Variants in RGS9 observed in about 807,000 individuals in gnomAD.
The protein encoded by RGS9 is regulator of G-protein signalling 9.
RGS9 carries 78 observed loss-of-function variants against 102.0 expected under a neutral mutation model. The ratio of observed to expected loss-of-function variants is 0.76; its 90% CI spans 0.64 to 0.92. The LOEUF (loss-of-function observed/expected upper bound fraction) is 0.92, where lower values mean the gene tolerates loss of function less well. Ranked by LOEUF, RGS9 falls within the 40% of genes least tolerant of loss-of-function variation. The probability of loss-of-function intolerance (pLI) is 0.00; values close to 1 mark genes in which losing one functional copy is unlikely to be tolerated. For missense variants in RGS9, 833 were observed against 866.1 expected (o/e 0.96, Z 0.48); for synonymous variants, 353 against 318.6 (o/e 1.11, Z -1.15).
Position 65,210,536 on chromosome 17 carries a change from T to A in RGS9, c.1338T>A (p.Pro446=). Residue 446 remains proline, a synonymous_variant, in exon 17 of 19, where the codon CCT becomes CCA. Coordinates refer to ENST00000262406, the MANE Select transcript of RGS9 (RefSeq NM_003835.4). Reference sequence around the variant, plus strand: ...GTCACCTGCGCTCCAGCCCAAGCCCTGTCATCCTGAGACAGCTGGAAGAGG... The same window carrying A: ...GTCACCTGCGCTCCAGCCCAAGCCCAGTCATCCTGAGACAGCTGGAAGAGG... ...MRRHLRSSPS[P]VILRQLEEEA... 1.2e-6 allele frequency: 2 copies of A among 1,614,034 alleles called. No homozygotes were observed.
intron 7 of RGS9, among the ~76,000 whole-genome samples, chr17:65,165,910 G>T (rs1309773121): frequency 6.6e-6 from 1 of 152,176 alleles, no homozygotes; most frequent in Admixed American, 6.5e-5. Context: ...TATGTGTCCT[G>T]ATTTCTATAG....
At chr17:65,177,684 C>A (rs760646067) in intron 8 of RGS9, 48 bp from the exon 9 acceptor site, 1 of 1,552,320 alleles carries the variant, frequency 6.4e-7, no homozygotes, top group Admixed American at 1.7e-5. Flanking sequence ...TAACCAGAAA[C>A]TGGAGACTCT....
At chr17:65,204,396 T>G in intron 15 of RGS9, 95 bp downstream of exon 15, 7 of 1,424,076 alleles carry the variant, frequency 4.9e-6, no homozygotes, top group African/African-American at 1.4e-5. Flanking sequence ...AGAGAGAGGA[T>G]ACGTGGATAG....
intron 11 of RGS9, among the ~76,000 whole-genome samples, chr17:65,190,488 T>C (rs879519965): frequency 1.3e-5 from 2 of 152,164 alleles, no homozygotes; most frequent in Non-Finnish European, 2.9e-5. Context: ...TGGAATCCAC[T>C]AATGTGTGGA....
At chr17:65,208,660 G>T (rs1055142663) in intron 16 of RGS9, among the ~76,000 whole-genome samples, 1 of 152,128 alleles carries the variant, frequency 6.6e-6, no homozygotes, top group Non-Finnish European at 1.5e-5. Flanking sequence ...AAATTGAATG[G>T]CAGCTTGAAC....
intron 15 of RGS9, among the ~76,000 whole-genome samples, 164 bp downstream of exon 15, chr17:65,204,465 CT>C: frequency 6.6e-6 from 1 of 152,278 alleles, no homozygotes; most frequent in Middle Eastern, 3.4e-3. Context: ...AATCCCAGCT[CT>C]TTGGGAAGCT....
intron 8 of RGS9, among the ~76,000 whole-genome samples, chr17:65,172,163 T>C (rs1222444450): frequency 6.6e-6 from 1 of 152,238 alleles, no homozygotes; most frequent in African/African-American, 2.4e-5. Context: ...TCAAAGGCCA[T>C]TCATTGATCT....
intron 3 of RGS9, among the ~76,000 whole-genome samples, chr17:65,160,029 G>A (rs140947476): frequency 4.9e-4 from 75 of 152,324 alleles, no homozygotes; most frequent in African/African-American, 1.7e-3. Context: ...CTGGGGATAA[G>A]ACCTGGGAGG....
At chr17:65,148,634 C>A (rs922567636) in intron 1 of RGS9, among the ~76,000 whole-genome samples, 5 of 152,180 alleles carry the variant, frequency 3.3e-5, no homozygotes, top group Non-Finnish European at 5.9e-5. Context: ...CTGGTCCTCA[C>A]CATCTAGGGA....
chr17:65,160,609 A>T, intron 5 of RGS9, 22 bp downstream of exon 5: 1 of 1,613,368 alleles, frequency 6.2e-7, no homozygotes, highest in Non-Finnish European at 8.5e-7. Flanking sequence ...AGCCCCAACT[A>T]TGCCTTTGGT....
chr17:65,138,972 A>ACCCCGGCATCCCCTCCTCCC (rs1910023695), intron 1 of RGS9, among the ~76,000 whole-genome samples: 1 of 69,608 alleles, frequency 1.4e-5, no homozygotes, highest in African/African-American at 9.3e-5. Context: ...CCCCTCCTCC[A>ACCCCGGCATCCCCTCCTCCC]CCCCAGCATC....
rs1910956818 is a variant in RGS9, at chr17:65,160,856, T to A, written c.370T>A (p.Tyr124Asn). Residue 124 changes from tyrosine to asparagine, a missense_variant, in exon 6 of 19, where the codon TAT becomes AAT. Physicochemically the swap from Tyr to Asn is moderately radical, Grantham distance 143. This residue lies in a region of RGS9 where 328 missense variants were observed against 340.6 expected (regional missense o/e 0.96). Coordinates refer to ENST00000262406, the MANE Select transcript of RGS9 (RefSeq NM_003835.4). Reference protein sequence around the residue: ...WPAEDTDYAIYLAKRNIKKKG... With the variant: ...WPAEDTDYAINLAKRNIKKKG... ...GTCATTGCTTTCTTTTCCAGCCATC[T>A]ATCTGGCCAAGCGAAATATCAAAAA... 1 of 1,614,012 alleles carries A rather than the reference T, an allele frequency of 6.2e-7. No homozygotes were observed. Among genetic ancestry groups the A allele is most frequent in the South Asian group, 1.1e-5 (1 of 91,078 alleles).
At chr17:65,164,448 G>A (rs746395160) in intron 7 of RGS9, among the ~76,000 whole-genome samples, 12 of 152,248 alleles carry the variant, frequency 7.9e-5, no homozygotes, top group Non-Finnish European at 1.6e-4. Context: ...CTGGTGACCC[G>A]CACCAGTGAT....
intron 4 of RGS9, 63 bp from the exon 5 acceptor site, chr17:65,160,473 G>A: frequency 6.2e-7 from 1 of 1,603,778 alleles, no homozygotes; most frequent in Non-Finnish European, 8.5e-7. Flanking sequence ...TTTAGTCACA[G>A]GGTTGGGGTC....
At position 65,225,413 on chromosome 17, in the gene RGS9, TC is replaced by T; in HGVS notation, c.1822del (p.His608ThrfsTer17). On this transcript the variant is annotated frameshift_variant, in exon 18 of 19. Coordinates refer to ENST00000262406, the MANE Select transcript of RGS9 (RefSeq NM_003835.4). LOFTEE classifies it high-confidence loss of function. ...GCTCTCACCCAAGTGCCCTGCTGTG[TC>T]CCACGGGAGGGTGCAGCCCCTGGGG... ...ARLSPKCPAVSHGRVQPLGDV... is the reference protein window; with the variant it reads ...ARLSPKCPAVXHGRVQPLGDV... The T allele has an allele frequency of 6.2e-7, 1 of 1,610,892 alleles. No homozygotes were observed.
rs1196026204 is a variant in RGS9, at chr17:65,191,445, C to T, written c.746+1209C>T. On this transcript the variant is annotated intron_variant, in intron 11 of 18. Coordinates refer to ENST00000262406, the MANE Select transcript of RGS9 (RefSeq NM_003835.4). ...AATGTCTGGGCCCGTCGAGGTGCCT[C>T]ATGCCTGTAATCCCAGTACTTTGGG... 3.9e-5 allele frequency among the ~76,000 whole-genome samples: 6 copies of T among 152,004 alleles called. No homozygotes were observed. In the South Asian group the frequency reaches 6.2e-4, roughly 16 times the overall value.
At chr17:65,202,444 T>TGTGAGAGA (rs3838367) in intron 14 of RGS9, among the ~76,000 whole-genome samples, 162 of 131,784 alleles carry the variant, frequency 1.2e-3, no homozygotes, top group Middle Eastern at 4.0e-3. Context: ...TGTGTGTGTG[T>TGTGAGAGA]GAGAGAGAGA....
rs1912957631 is a variant in RGS9 at position 65,204,169 on chromosome 17, C to A, written c.1071C>A (p.Phe357Leu). Residue 357 changes from phenylalanine (F) to leucine (L), a missense_variant, in exon 15 of 19, where the codon TTC becomes TTA. Transcript: ENST00000262406. ...KEKAEEIYKL[F>L]LAPGARRWIN... ...CATCTCCCTCCCACCCCAGGCTGTT[C>A]CTGGCCCCGGGGGCGAGGCGCTGGA... 6.2e-7 allele frequency: 1 copy of A among 1,612,542 alleles called. No individual in the cohort carries two copies. Among genetic ancestry groups the A allele is most frequent in the Non-Finnish European group, 8.5e-7 (1 of 1,180,024 alleles).
chr17:65,172,492 G>A (rs564463266), intron 8 of RGS9, among the ~76,000 whole-genome samples: 1 of 152,068 alleles, frequency 6.6e-6, no homozygotes, highest in Non-Finnish European at 1.5e-5. Flanking sequence ...GTGGCGGCCT[G>A]ACACATAATG....
Sources: gnomAD v4.1 joint callset for allele counts (sites outside exome capture counted in the v4.1 genomes callset) on GRCh38, gnomAD v4.1.1 for gene constraint, gnomAD v4.1.1 regional missense constraint, MANE v1.5 for transcripts, NCBI Gene and HGNC (gene_info 2026-07-23, HGNC 2026-07-21) for gene names.